ZBBX: variants seen among roughly 807,000 people sequenced by gnomAD.
ZBBX encodes the protein zinc finger B-box domain-containing protein 1.
In ZBBX, 101 loss-of-function variants were observed where a neutral mutation model predicts 108.5. The ratio of observed to expected loss-of-function variants is 0.93; its 90% CI spans 0.79 to 1.10. The LOEUF (loss-of-function observed/expected upper bound fraction) is 1.10. ZBBX is among the 50% of genes least tolerant of loss of function. The pLI, the probability that ZBBX is intolerant of heterozygous loss-of-function variation, is 0.00. For synonymous variants in ZBBX, 356 were observed against 323.4 expected, an observed-to-expected ratio of 1.10 and a Z score of -1.08; for missense variants, 1,009 against 941.4, an observed-to-expected ratio of 1.07 and a Z score of -0.94.
rs148509409 is a variant in ZBBX, at chr3:167,340,521, T to C, written c.529-6536A>G. Among the ~76,000 whole-genome samples, 1,376 of 152,226 alleles carry C rather than the reference T, an allele frequency of 9.0e-3. 23 individuals carry two copies. Among genetic ancestry groups the C allele is most frequent in the African/African-American group, 0.031 (1,296 of 41,564 alleles). The stretch of plus-strand genomic sequence containing the variant: ...TTACATTATTAAAATATGTTTTATA[T>C]TCTTAAAGCAAACTATTATTTTACC... On this transcript the variant is annotated intron_variant, in intron 9 of 21. Coordinates refer to ENST00000675490, the MANE Select transcript of ZBBX (RefSeq NM_001199201.2).
intron 21 of ZBBX, among the ~76,000 whole-genome samples, chr3:167,241,214 G>A (rs1720617656): frequency 6.6e-6 from 1 of 152,084 alleles, no homozygotes; most frequent in Non-Finnish European, 1.5e-5. Context: ...TTAGAAACCT[G>A]CAGAGCCTCA....
At chr3:167,332,762 CTG>C in intron 10 of ZBBX, among the ~76,000 whole-genome samples, 1 of 152,138 alleles carries the variant, frequency 6.6e-6, no homozygotes, top group Non-Finnish European at 1.5e-5. Flanking sequence ...ACCACAGTCT[CTG>C]CAAAATAGTT....
At chr3:167,287,633 A>T (rs1439216620) in intron 19 of ZBBX, among the ~76,000 whole-genome samples, 2 of 152,086 alleles carry the variant, frequency 1.3e-5, no homozygotes, top group African/African-American at 4.8e-5. Context: ...TTGACTATGG[A>T]TTTGTAGATT....
At chr3:167,277,410 C>T (rs1170439857) in intron 20 of ZBBX, among the ~76,000 whole-genome samples, 1 of 151,962 alleles carries the variant, frequency 6.6e-6, no homozygotes, top group Non-Finnish European at 1.5e-5. Flanking sequence ...GAAGATCTAC[C>T]AAGCAAATGG....
At chr3:167,202,113 A>G in the ZBBX span, among the ~76,000 whole-genome samples, 1 of 152,106 alleles carries the variant, frequency 6.6e-6, no homozygotes, top group Non-Finnish European at 1.5e-5. Context: ...TCAGTAGTCA[A>G]TCTGAGGCAT....
intron 20 of ZBBX, among the ~76,000 whole-genome samples, chr3:167,268,259 G>C (rs1017763263): frequency 6.6e-6 from 1 of 151,544 alleles, no homozygotes; most frequent in East Asian, 2.0e-4. Flanking sequence ...AGATCAAGTT[G>C]ATCAATCCCT....
At chr3:167,354,355 G>A (rs1304602693) in intron 8 of ZBBX, among the ~76,000 whole-genome samples, 2 of 151,574 alleles carry the variant, frequency 1.3e-5, no homozygotes, top group African/African-American at 2.4e-5. Context: ...CATTTATATC[G>A]AAAAACCTTG....
chr3:167,247,621 C>A (rs79386131), intron 20 of ZBBX, among the ~76,000 whole-genome samples: 115 of 152,164 alleles, frequency 7.6e-4, no homozygotes, highest in African/African-American at 2.5e-3. Context: ...ACATGCCCAC[C>A]GGGGTTTCCA....
At chr3:167,290,946 GA>G (rs1730578330) in intron 18 of ZBBX, among the ~76,000 whole-genome samples, 1 of 152,068 alleles carries the variant, frequency 6.6e-6, no homozygotes, top group South Asian at 2.1e-4. Context: ...TCAAGCGGAA[GA>G]AAGTATATCA....
Position 167,362,508 on chromosome 3 carries a change from C to G in ZBBX, c.274-1785G>C, listed in dbSNP as rs562394470. Among the ~76,000 whole-genome samples, 11 of 152,248 alleles carry G rather than the reference C, an allele frequency of 7.2e-5. No individual in the cohort carries two copies. The East Asian group carries it at 1.4e-3, about 19-fold the overall frequency. On this transcript the variant is annotated intron_variant, in intron 6 of 21. Transcript: ENST00000675490. ...TCTTTCAGACGTTCTCACTGTCAAC[C>G]CAGTTAGCTACTGAAACTTCGCAAT...
At chr3:167,308,274 G>A (rs76188402) in intron 16 of ZBBX, among the ~76,000 whole-genome samples, 13 of 152,034 alleles carry the variant, frequency 8.6e-5, no homozygotes, top group African/African-American at 3.1e-4. Flanking sequence ...TCTCACACCA[G>A]TCAGAATGGA....
the ZBBX span, among the ~76,000 whole-genome samples, chr3:167,209,281 G>C: frequency 2.0e-5 from 3 of 151,814 alleles, no homozygotes; most frequent in Non-Finnish European, 4.4e-5. Context: ...GGTCTTGGGT[G>C]AGATGCAGTG....
intron 4 of ZBBX, among the ~76,000 whole-genome samples, chr3:167,372,455 T>C (rs1746305452): frequency 6.6e-6 from 1 of 152,176 alleles, no homozygotes; most frequent in African/African-American, 2.4e-5. Flanking sequence ...TAACATCCTT[T>C]ATGTAAAGGG....
chr3:167,340,696 C>T (rs764053098), intron 9 of ZBBX, among the ~76,000 whole-genome samples: 8 of 151,206 alleles, frequency 5.3e-5, no homozygotes, highest in Non-Finnish European at 1.0e-4. Context: ...CTGTTAGAAT[C>T]AAAAGAAAGG....
intron 1 of ZBBX, among the ~76,000 whole-genome samples, chr3:167,389,149 C>A (rs1748011983): frequency 6.6e-6 from 1 of 152,034 alleles, no homozygotes; most frequent in African/African-American, 2.4e-5. Context: ...ACCTGACAGG[C>A]CTCAGTGTGT....
chr3:167,354,266 A>G (rs1389191664), intron 8 of ZBBX, among the ~76,000 whole-genome samples: 2 of 151,940 alleles, frequency 1.3e-5, no homozygotes, highest in East Asian at 1.9e-4. Context: ...ACTTTGAAGT[A>G]TGGTTTCTAC....
chr3:167,294,193 T>A (rs1386697213), intron 18 of ZBBX, among the ~76,000 whole-genome samples: 1 of 152,110 alleles, frequency 6.6e-6, no homozygotes, highest in East Asian at 1.9e-4. Flanking sequence ...GGAAAAAATT[T>A]ACTTTAAATT....
chr3:167,262,590 T>C (rs1724744175), intron 20 of ZBBX, among the ~76,000 whole-genome samples: 1 of 152,192 alleles, frequency 6.6e-6, no homozygotes, highest in Admixed American at 6.5e-5. Context: ...AGGTACAGTT[T>C]CAGCTCACTG....
At chr3:167,320,097 T>G (rs938483664) in intron 12 of ZBBX, among the ~76,000 whole-genome samples, 19 of 151,814 alleles carry the variant, frequency 1.3e-4, no homozygotes, top group African/African-American at 3.9e-4. Flanking sequence ...ATAGTAATGA[T>G]CACACCTAGA....
Sources: allele counts gnomAD v4.1 joint callset (sites outside exome capture counted in the v4.1 genomes callset), GRCh38; gene constraint gnomAD v4.1.1; transcripts MANE v1.5; gene names NCBI Gene and HGNC (gene_info 2026-07-23, HGNC 2026-07-21).